Variants in ERI3 observed in about 807,000 individuals in gnomAD.
ERI3 encodes the protein ERI1 exoribonuclease family member 3.
A neutral mutation model predicts 44.4 loss-of-function variants in ERI3; 18 were observed. That is an observed-to-expected ratio of 0.41 (90% confidence interval 0.28 to 0.60). The LOEUF (loss-of-function observed/expected upper bound fraction) is 0.60, where lower values mean the gene tolerates loss of function less well. ERI3 is among the 20% of genes least tolerant of loss of function. The probability of loss-of-function intolerance (pLI) is 0.36; values close to 1 mark genes in which losing one functional copy is unlikely to be tolerated. For synonymous variants in ERI3, 183 were observed against 164.8 expected, an observed-to-expected ratio of 1.11 and a Z score of -0.84; for missense variants, 294 against 435.5, an observed-to-expected ratio of 0.68 and a Z score of 2.89.
At chr1:44,237,906 C>A (rs955431473) in intron 8 of ERI3, among the ~76,000 whole-genome samples, 1 of 152,046 alleles carries the variant, frequency 6.6e-6, no homozygotes, top group African/African-American at 2.4e-5. Context: ...TCCCGGCGGC[C>A]GGCAGCACTA....
chr1:44,347,427 T>A (rs1376882161), intron 2 of ERI3, among the ~76,000 whole-genome samples: 1 of 152,226 alleles, frequency 6.6e-6, no homozygotes, highest in Non-Finnish European at 1.5e-5. Context: ...GGCAGGGTTA[T>A]AACCAATTCT....
At chr1:44,232,703 T>G (rs1244116478) in intron 8 of ERI3, among the ~76,000 whole-genome samples, 1 of 152,218 alleles carries the variant, frequency 6.6e-6, no homozygotes, top group Non-Finnish European at 1.5e-5. Flanking sequence ...CCAGATGAGC[T>G]GTTTCCCTTT....
At chr1:44,223,762 G>A (rs540692249) in intron 8 of ERI3, among the ~76,000 whole-genome samples, 1 of 152,192 alleles carries the variant, frequency 6.6e-6, no homozygotes, top group South Asian at 2.1e-4. Context: ...CCTGTGCCTG[G>A]CCCTGTGCTG....
chr1:44,228,277 A>G lies in ERI3; in HGVS notation c.932-6637T>C, dbSNP rs1644093416. On this transcript the variant is annotated intron_variant, in intron 8 of 8. Coordinates refer to ENST00000372257, the MANE Select transcript of ERI3 (RefSeq NM_024066.3). This position sits in a 1 kb window ranked among gnomAD's most constrained non-coding sequence, Gnocchi z 4.3. The stretch of plus-strand genomic sequence containing the variant: ...CCACCGAGGTGCCTGGAGGTGCCAC[A>G]GGCTGATGGTGAAGGATGACGATGG... Among the ~76,000 whole-genome samples the G allele has an allele frequency of 1.3e-5, 2 of 152,212 alleles. No individual in the cohort carries two copies. The highest frequency in any genetic ancestry group is 2.1e-4 in the South Asian group (1 of 4,820).
intron 6 of ERI3, among the ~76,000 whole-genome samples, chr1:44,289,755 T>C (rs891878918): frequency 6.6e-6 from 1 of 152,212 alleles, no homozygotes; most frequent in African/African-American, 2.4e-5. Flanking sequence ...GGATAGCTCA[T>C]TAGGGGAACA....
At chr1:44,256,782 G>A (rs896734527) in intron 7 of ERI3, 2 of 152,210 alleles carry the variant, frequency 1.3e-5, no homozygotes, top group African/African-American at 2.4e-5. Context: ...TTATGGTCCC[G>A]AGTATTTTCA....
chr1:44,355,060 G>T lies in ERI3; in HGVS notation c.-34C>A. ...CCCCTCCTCGGGGCCAGCGCGGCAG[G>T]CTCCCTCCAGGTGCAGGCCCCGACG... On this transcript the variant is annotated 5_prime_UTR_variant, in exon 1 of 9. Transcript: ENST00000372257. 7.4e-7 allele frequency: 1 copy of T among 1,345,702 alleles called. No homozygotes were observed. The highest frequency in any genetic ancestry group is 2.2e-5 in the South Asian group (1 of 44,954). 83.4% of individuals were successfully genotyped at this position (1,345,702 alleles called of 1,614,324 possible).
intron 6 of ERI3, among the ~76,000 whole-genome samples, chr1:44,308,028 G>C (rs1017506016): frequency 2.0e-5 from 3 of 152,104 alleles, no homozygotes; most frequent in African/African-American, 7.2e-5. Flanking sequence ...CTCCCTTCCA[G>C]GGCAATAACA....
intron 7 of ERI3, among the ~76,000 whole-genome samples, chr1:44,258,855 A>T (rs569897975): frequency 6.6e-6 from 1 of 152,274 alleles, no homozygotes; most frequent in South Asian, 2.1e-4. Flanking sequence ...CTCTTCTCTG[A>T]TGTTTGGAGG....
At chr1:44,253,251 G>A (rs1392751514) in intron 7 of ERI3, among the ~76,000 whole-genome samples, 1 of 152,154 alleles carries the variant, frequency 6.6e-6, no homozygotes, top group Non-Finnish European at 1.5e-5. Flanking sequence ...TCATAGAAAG[G>A]CTCAGTTCTG....
At chr1:44,301,520 T>C (rs1645725936) in intron 6 of ERI3, among the ~76,000 whole-genome samples, 1 of 152,200 alleles carries the variant, frequency 6.6e-6, no homozygotes, top group South Asian at 2.1e-4. Context: ...AACTGCCACC[T>C]GGATAGGACC....
chr1:44,306,950 G>A (rs1645848965), intron 6 of ERI3, among the ~76,000 whole-genome samples: 2 of 152,160 alleles, frequency 1.3e-5, no homozygotes, highest in Non-Finnish European at 2.9e-5. Context: ...CTCACTTTAA[G>A]GACTCAAAGC....
chr1:44,239,031 TC>T (rs542547479), intron 8 of ERI3, among the ~76,000 whole-genome samples: 770 of 46,456 alleles, frequency 0.017, 5 homozygotes, highest in South Asian at 0.076. Context: ...TGCTGCCCCC[TC>T]CCCCCCCCAA....
intron 6 of ERI3, among the ~76,000 whole-genome samples, chr1:44,289,785 T>C (rs1266329702): frequency 1.3e-5 from 2 of 152,260 alleles, no homozygotes; most frequent in Non-Finnish European, 2.9e-5. Flanking sequence ...CTAATGGGTA[T>C]GGCCACGGTG....
chr1:44,238,481 A>T (rs1184560461), intron 8 of ERI3, among the ~76,000 whole-genome samples: 1 of 152,132 alleles, frequency 6.6e-6, no homozygotes, highest in Non-Finnish European at 1.5e-5. Context: ...CTTTCGGTGT[A>T]TAGGGCCAGA....
chr1:44,281,588 G>GAAAAAAAAAA (rs769332763), intron 7 of ERI3, among the ~76,000 whole-genome samples: 2 of 103,828 alleles, frequency 1.9e-5, no homozygotes, highest in African/African-American at 3.7e-5. Context: ...ACCCCGTCTC[G>GAAAAAAAAAA]AAAAAAAAAA....
chr1:44,343,646 C>T (rs536420941), intron 2 of ERI3, among the ~76,000 whole-genome samples: 5 of 152,288 alleles, frequency 3.3e-5, no homozygotes, highest in African/African-American at 7.2e-5. Flanking sequence ...ATGCAACCCA[C>T]GATTCTGAAC....
rs1644708699 is a variant in ERI3, at chr1:44,252,763, A to G, written c.832-4725T>C. The stretch of plus-strand genomic sequence containing the variant: ...GCTGCTATGGTATCTCTGCCCACCC[A>G]TATACTACCTACCAGGACCCTCAGA... On this transcript the variant is annotated intron_variant, in intron 7 of 8. Coordinates refer to ENST00000372257, the MANE Select transcript of ERI3 (RefSeq NM_024066.3). The surrounding 1 kb of genome is among the most constrained non-coding windows in gnomAD (Gnocchi z 4.7). Among the ~76,000 whole-genome samples, 1 of 152,202 alleles carries G rather than the reference A, an allele frequency of 6.6e-6. No homozygotes were observed.
chr1:44,314,336 T>C (rs1646038231), intron 4 of ERI3, among the ~76,000 whole-genome samples: 1 of 152,140 alleles, frequency 6.6e-6, no homozygotes, highest in Non-Finnish European at 1.5e-5. Context: ...CTCCTCTAGG[T>C]GGGTTTCTGT....
Sources: allele counts gnomAD v4.1 joint callset (sites outside exome capture counted in the v4.1 genomes callset), GRCh38; gene constraint gnomAD v4.1.1; non-coding constraint Gnocchi (gnomAD v3.1); transcripts MANE v1.5; gene names NCBI Gene and HGNC (gene_info 2026-07-23, HGNC 2026-07-21).